PI4KA: variants seen among roughly 807,000 people sequenced by gnomAD.
PI4KA encodes the protein PI4-kinase alpha.
In PI4KA, 122 loss-of-function variants were observed where a neutral mutation model predicts 271.4. That is an observed-to-expected ratio of 0.45 (90% CI 0.39 to 0.52). PI4KA has a LOEUF of 0.52. PI4KA is among the 20% of genes least tolerant of loss of function. The pLI is 0.00. For synonymous variants in PI4KA, 1,041 were observed against 1,078.8 expected (o/e 0.96, Z 0.69); for missense variants, 1,969 against 2,769.1 (o/e 0.71, Z 6.48).
intron 2 of PI4KA, among the ~76,000 whole-genome samples, chr22:20,836,274 G>A (rs948577282): frequency 6.6e-6 from 1 of 152,106 alleles, no homozygotes; most frequent in Non-Finnish European, 1.5e-5. Context: ...TGTCTAAATT[G>A]CAGATTCACG....
intron 3 of PI4KA, among the ~76,000 whole-genome samples, chr22:20,825,069 C>CAA (rs362248): frequency 5.2e-5 from 4 of 76,908 alleles, no homozygotes; most frequent in African/African-American, 1.7e-4. Flanking sequence ...GACGCCATCT[C>CAA]AAAAAAAAAA....
intron 20 of PI4KA, 80 bp downstream of exon 20, chr22:20,765,505 T>G: frequency 1.1e-6 from 1 of 948,436 alleles, no homozygotes. Flanking sequence ...ATGCTCACAT[T>G]CATAATTACG....
At chr22:20,779,664 C>T in intron 19 of PI4KA, 1 of 1,614,068 alleles carries the variant, frequency 6.2e-7, no homozygotes, top group South Asian at 1.1e-5. Context: ...CCAGCTTTTT[C>T]ATGGCAAGAG....
intron 6 of PI4KA, 108 bp downstream of exon 6, chr22:20,819,533 T>C: frequency 9.6e-7 from 1 of 1,037,922 alleles, no homozygotes; most frequent in Admixed American, 2.3e-5. Context: ...TAGTGAAACA[T>C]TTCACGTTAC....
chr22:20,815,792 G>A (rs1921722688), intron 7 of PI4KA, among the ~76,000 whole-genome samples: 1 of 152,116 alleles, frequency 6.6e-6, no homozygotes, highest in African/African-American at 2.4e-5. Context: ...GTGATTATCG[G>A]GCACTTCTCA....
intron 17 of PI4KA, among the ~76,000 whole-genome samples, chr22:20,797,160 AG>A (rs1935036784): frequency 6.6e-6 from 1 of 152,230 alleles, no homozygotes; most frequent in African/African-American, 2.4e-5. Context: ...ACTGCAGTTA[AG>A]TAATACCTGG....
chr22:20,812,716 G>A (rs1376449071), intron 8 of PI4KA, among the ~76,000 whole-genome samples: 1 of 152,124 alleles, frequency 6.6e-6, no homozygotes, highest in Non-Finnish European at 1.5e-5. Flanking sequence ...ACCATGTACA[G>A]CTAAAGTTTT....
chr22:20,856,517 C>G (rs1020703960), intron 1 of PI4KA, among the ~76,000 whole-genome samples: 5 of 151,324 alleles, frequency 3.3e-5, no homozygotes, highest in African/African-American at 1.2e-4. Flanking sequence ...TCACTGCAAC[C>G]TCTGCCTCTC....
intron 42 of PI4KA, among the ~76,000 whole-genome samples, chr22:20,722,356 T>C (rs769562827): frequency 1.8e-4 from 27 of 152,092 alleles, no homozygotes; most frequent in Non-Finnish European, 3.4e-4. Flanking sequence ...CTGGCTAATT[T>C]TTGTATTTTT....
At chr22:20,787,376 C>T (rs770156886) in intron 19 of PI4KA, 6 of 403,918 alleles carry the variant, frequency 1.5e-5, no homozygotes, top group Non-Finnish European at 2.3e-5. Context: ...CCTCCCGCTC[C>T]GGTGACCCCA....
intron 54 of PI4KA, among the ~76,000 whole-genome samples, 155 bp from the exon 55 acceptor site, chr22:20,708,253 C>T (rs1924763196): frequency 6.6e-6 from 1 of 152,168 alleles, no homozygotes; most frequent in Admixed American, 6.5e-5. Context: ...CACCCAGTGA[C>T]CACATCTCCT....
intron 19 of PI4KA, among the ~76,000 whole-genome samples, chr22:20,773,110 G>A (rs544515159): frequency 2.0e-5 from 3 of 152,098 alleles, no homozygotes; most frequent in African/African-American, 4.8e-5. Context: ...ATAGGGCCAG[G>A]CGTGGTGGCT....
chr22:20,749,929 AG>A lies in PI4KA; in HGVS notation c.3218del (p.Pro1073LeufsTer12). Reference sequence around the variant, plus strand: ...CCTGCAGGTGGGACTTGGTGACGGTAGGTGCCCACTTCATGGCCTCCTGGAG... The same window carrying A: ...CCTGCAGGTGGGACTTGGTGACGGTAGTGCCCACTTCATGGCCTCCTGGAG... Reference protein sequence around the residue: ...MILQEAMKWAPTVTKSHLQEY... With the variant: ...MILQEAMKWAXTVTKSHLQEY... On this transcript the variant is annotated frameshift_variant, in exon 28 of 55. Transcript: ENST00000255882. LOFTEE classifies it high-confidence loss of function. 1 of 1,612,084 alleles carries A rather than the reference AG, an allele frequency of 6.2e-7. No individual in the cohort carries two copies. The highest frequency in any genetic ancestry group is 8.5e-7 in the Non-Finnish European group (1 of 1,178,100).
At chr22:20,724,589 G>C (rs1927128929) in intron 42 of PI4KA, among the ~76,000 whole-genome samples, 1 of 152,174 alleles carries the variant, frequency 6.6e-6, no homozygotes, top group African/African-American at 2.4e-5. Context: ...CTGGGCAACA[G>C]AGCGAGACTC....
rs113491859 is a variant in PI4KA at position 20,726,858 on chromosome 22, C to T, written c.4942-317G>A. 3.3e-3 allele frequency among the ~76,000 whole-genome samples: 502 copies of T among 152,230 alleles called. 1 individual carries two copies. The highest frequency in any genetic ancestry group is 0.017 in the Middle Eastern group (5 of 294). ...TTCTCCACCATCATCATGGCTATCT[C>T]GTGGGCTCCCTGGGCTCCCACAAGG... On this transcript the variant is annotated intron_variant, in intron 41 of 54. Coordinates refer to ENST00000255882, the MANE Select transcript of PI4KA (RefSeq NM_058004.4).
chr22:20,842,239 A>G (rs1925648783), intron 1 of PI4KA, among the ~76,000 whole-genome samples: 1 of 152,004 alleles, frequency 6.6e-6, no homozygotes, highest in Non-Finnish European at 1.5e-5. Flanking sequence ...ATATATACAT[A>G]TTAAAAAAAA....
At chr22:20,828,672 A>G (rs984142216) in intron 3 of PI4KA, among the ~76,000 whole-genome samples, 2 of 151,830 alleles carry the variant, frequency 1.3e-5, no homozygotes, top group African/African-American at 4.8e-5. Flanking sequence ...CTCCTGCCTC[A>G]GCCTCCCGAG....
At chr22:20,844,884 T>C (rs1926052597) in intron 1 of PI4KA, among the ~76,000 whole-genome samples, 1 of 152,132 alleles carries the variant, frequency 6.6e-6, no homozygotes, top group African/African-American at 2.4e-5. Flanking sequence ...CCTCTAGTCT[T>C]TGAAAAAATG....
rs1310669875 is a variant in PI4KA at position 20,765,684 on chromosome 22, G to A, written c.2338C>T (p.Arg780Ter). 5 of 1,609,026 alleles carry A rather than the reference G, an allele frequency of 3.1e-6. No individual in the cohort carries two copies. The highest frequency in any genetic ancestry group is 4.3e-6 in the Non-Finnish European group (5 of 1,175,576). Residue 780 changes from arginine to a stop codon, truncating the protein, a stop_gained, in exon 20 of 55, where the codon CGA becomes TGA. Transcript: ENST00000255882. LOFTEE classifies it high-confidence loss of function. Reference protein sequence around the residue: ...LIPVIAVLTRRLPPIKEAKPR... With the variant: ...LIPVIAVLTR ...TTAGCTTCTTTGATGGGTGGCAGTCGTCGGGTGAGCTGATGTGCCAAGAAG... is the reference window on the plus strand; with the variant it reads ...TTAGCTTCTTTGATGGGTGGCAGTCATCGGGTGAGCTGATGTGCCAAGAAG...
Sources: gnomAD v4.1 joint callset for allele counts (sites outside exome capture counted in the v4.1 genomes callset) on GRCh38, gnomAD v4.1.1 for gene constraint, MANE v1.5 for transcripts, NCBI Gene and HGNC (gene_info 2026-07-23, HGNC 2026-07-21) for gene names.